Variants in NECTIN3 observed in about 807,000 individuals in gnomAD.
NECTIN3 encodes the protein nectin cell adhesion molecule 3.
A neutral mutation model predicts 49.4 loss-of-function variants in NECTIN3; 8 were observed. The observed-to-expected ratio is 0.16, with a 90% CI of 0.10 to 0.29. The LOEUF (loss-of-function observed/expected upper bound fraction) is 0.29, where lower values mean the gene tolerates loss of function less well. Ranked by LOEUF, NECTIN3 falls within the 10% of genes least tolerant of loss-of-function variation. The pLI, the probability that NECTIN3 is intolerant of heterozygous loss-of-function variation, is 1.00. For missense variants in NECTIN3, 581 were observed against 654.6 expected, an observed-to-expected ratio of 0.89 and a Z score of 1.23; for synonymous variants, 277 against 241.1, an observed-to-expected ratio of 1.15 and a Z score of -1.38.
chr3:111,177,277 A>G (rs1479471301), intron 7 of NECTIN3, among the ~76,000 whole-genome samples: 1 of 152,122 alleles, frequency 6.6e-6, no homozygotes, highest in Non-Finnish European at 1.5e-5. Flanking sequence ...AAAAATATTT[A>G]TCTAATTTTT....
At chr3:111,087,853 A>T (rs1187823280) in intron 1 of NECTIN3, among the ~76,000 whole-genome samples, 1 of 151,814 alleles carries the variant, frequency 6.6e-6, no homozygotes. Context: ...GCCCGCTACC[A>T]CGCCTGGCAA....
Position 111,134,571 on chromosome 3 carries a change from T to C in NECTIN3, c.*356T>C. 1.0e-6 allele frequency: 1 copy of C among 958,866 alleles called. No individual in the cohort carries two copies. The highest frequency in any genetic ancestry group is 1.2e-6 in the Non-Finnish European group (1 of 803,542). 59.4% of individuals were successfully genotyped at this position (958,866 alleles called of 1,614,324 possible). Reference sequence around the variant, plus strand: ...ACCTTGACATTGTGTATTAAATGTTTACCTAAGACTATAATCTCAAGTATG... The same window carrying C: ...ACCTTGACATTGTGTATTAAATGTTCACCTAAGACTATAATCTCAAGTATG... On this transcript the variant is annotated 3_prime_UTR_variant, in exon 6 of 6. Transcript: ENST00000485303.
At chr3:111,168,214 TA>T (rs1242618558) in intron 7 of NECTIN3, among the ~76,000 whole-genome samples, 3 of 152,028 alleles carry the variant, frequency 2.0e-5, no homozygotes, top group Non-Finnish European at 2.9e-5. Context: ...GAGGAGAAGA[TA>T]GAGTCATTAA....
intron 7 of NECTIN3, among the ~76,000 whole-genome samples, chr3:111,180,899 C>T (rs531506492): frequency 2.2e-4 from 34 of 152,038 alleles, no homozygotes; most frequent in Middle Eastern, 3.4e-3. Context: ...CATGTTTCTC[C>T]AAAACGGAGT....
chr3:111,158,450 A>G (rs1480152023), intron 7 of NECTIN3, among the ~76,000 whole-genome samples: 2 of 152,082 alleles, frequency 1.3e-5, no homozygotes, highest in Non-Finnish European at 2.9e-5. Context: ...ATGTAAATGT[A>G]TTTGTTTGAA....
intron 7 of NECTIN3, among the ~76,000 whole-genome samples, chr3:111,161,986 G>C (rs1391136626): frequency 6.6e-6 from 1 of 152,074 alleles, no homozygotes; most frequent in African/African-American, 2.4e-5. Context: ...ACATTGAATC[G>C]AGAATCGCAA....
intron 1 of NECTIN3, 123 bp from the exon 2 acceptor site, chr3:111,111,883 ATGTGTGTGTGTGTGCATGTGTGTG>A (rs1347886426): frequency 5.5e-6 from 3 of 545,946 alleles, no homozygotes; most frequent in African/African-American, 2.2e-5. Context: ...GTGTGAGTGC[ATGTGTGTGTGTGTGCATGTGTGTG>A]TGTGTGTGTG....
intron 7 of NECTIN3, among the ~76,000 whole-genome samples, chr3:111,149,794 A>G (rs749106110): frequency 6.6e-6 from 1 of 150,734 alleles, no homozygotes; most frequent in South Asian, 2.1e-4. Flanking sequence ...GCATATTGTG[A>G]TTTTTCAGGG....
At chr3:111,113,580 A>G (rs895146906) in intron 2 of NECTIN3, among the ~76,000 whole-genome samples, 2 of 152,204 alleles carry the variant, frequency 1.3e-5, no homozygotes, top group African/African-American at 4.8e-5. Context: ...CACTGCCCTA[A>G]GAGCTATGGG....
chr3:111,079,904 C>G (rs1308311015), intron 1 of NECTIN3, among the ~76,000 whole-genome samples: 2 of 151,960 alleles, frequency 1.3e-5, no homozygotes, highest in Non-Finnish European at 2.9e-5. Flanking sequence ...CTGCCTAGTT[C>G]ATATTAAAAG....
chr3:111,168,705 T>C (rs1018435351), intron 7 of NECTIN3, among the ~76,000 whole-genome samples: 1 of 152,298 alleles, frequency 6.6e-6, no homozygotes, highest in Admixed American at 6.5e-5. Context: ...GAGGATAATT[T>C]GCAGAAGCAG....
chr3:111,145,113 C>T, intron 6 of NECTIN3: 1 of 1,422,718 alleles, frequency 7.0e-7, no homozygotes, highest in Non-Finnish European at 9.5e-7. Context: ...TTTACAGCTC[C>T]TCATAAAGAA....
intron 7 of NECTIN3, among the ~76,000 whole-genome samples, chr3:111,164,269 T>C (rs2035275112): frequency 6.6e-6 from 1 of 152,198 alleles, no homozygotes. Flanking sequence ...ATGTTTAATT[T>C]ACTCAAATAT....
intron 7 of NECTIN3, among the ~76,000 whole-genome samples, chr3:111,173,220 C>T (rs2035465704): frequency 6.6e-6 from 1 of 152,206 alleles, no homozygotes; most frequent in Non-Finnish European, 1.5e-5. Flanking sequence ...ATTTCTGAAC[C>T]TGCATCTGCT....
At chr3:111,073,960 T>C (rs1254157463) in intron 1 of NECTIN3, among the ~76,000 whole-genome samples, 1 of 151,008 alleles carries the variant, frequency 6.6e-6, no homozygotes, top group Non-Finnish European at 1.5e-5. Flanking sequence ...TGATTTTTAA[T>C]TCAGAGCTTA....
At position 111,072,132 on chromosome 3, in the gene NECTIN3, C is replaced by A. The variant is rs371858722; in HGVS notation, c.115C>A (p.Leu39Met). The A allele has an allele frequency of 6.5e-7, 1 of 1,546,008 alleles. No homozygotes were observed. The highest frequency in any genetic ancestry group is 8.7e-7 in the Non-Finnish European group (1 of 1,144,810). Residue 39 changes from leucine (L) to methionine (M), a missense_variant, in exon 1 of 6, where the codon CTG (leucine) becomes ATG (methionine). By Grantham distance (15) the Leu-to-Met change is conservative. This residue lies in a region of NECTIN3 where 109 missense variants were observed against 69.1 expected (regional missense o/e 1.58). Coordinates refer to ENST00000485303, the MANE Select transcript of NECTIN3 (RefSeq NM_015480.3). ...LLLQPPTPPP[L>M]LLLLFPLLLF... Reference sequence around the variant, plus strand: ...GCTGCAGCCCCCGACGCCACCTCCGCTGCTGCTGCTGCTCTTCCCGCTGCT... The same window carrying A: ...GCTGCAGCCCCCGACGCCACCTCCGATGCTGCTGCTGCTCTTCCCGCTGCT...
Position 111,118,884 on chromosome 3 carries a change from T to C in NECTIN3, c.731T>C (p.Ile244Thr), listed in dbSNP as rs2033823502. The C allele has an allele frequency of 2.4e-5, 39 of 1,614,020 alleles. No individual in the cohort carries two copies. Among genetic ancestry groups the C allele is most frequent in the Non-Finnish European group, 3.2e-5 (38 of 1,180,022 alleles). ...FPTRFARGRRITCVVKHPALE... is the reference protein window; with the variant it reads ...FPTRFARGRRTTCVVKHPALE... The stretch of plus-strand genomic sequence containing the variant: ...ACCAGATTTGCTAGAGGAAGGCGAA[T>C]TACTTGTGTTGTAAAACATCCAGCC... Residue 244 changes from isoleucine to threonine, a missense_variant, in exon 3 of 6, where the codon ATT becomes ACT. Physicochemically the swap from Ile to Thr is moderately conservative, Grantham distance 89. This residue lies in a region of NECTIN3 where 234 missense variants were observed against 340.6 expected (regional missense o/e 0.69). Coordinates refer to ENST00000485303, the MANE Select transcript of NECTIN3 (RefSeq NM_015480.3).
At chr3:111,121,024 A>T (rs1257450501) in intron 3 of NECTIN3, among the ~76,000 whole-genome samples, 1 of 126,324 alleles carries the variant, frequency 7.9e-6, no homozygotes. Flanking sequence ...TTTTTTTGAG[A>T]TGGAGTCTCA....
chr3:111,082,206 T>A (rs536167961), intron 1 of NECTIN3, among the ~76,000 whole-genome samples: 1 of 152,296 alleles, frequency 6.6e-6, no homozygotes, highest in South Asian at 2.1e-4. Flanking sequence ...ATCAATCCAG[T>A]AAGGTTTCAC....
Sources: gnomAD v4.1 joint callset for allele counts (sites outside exome capture counted in the v4.1 genomes callset) on GRCh38, gnomAD v4.1.1 for gene constraint, gnomAD v4.1.1 regional missense constraint, MANE v1.5 for transcripts, NCBI Gene and HGNC (gene_info 2026-07-23, HGNC 2026-07-21) for gene names.